The following ALG14 variants were observed in gnomAD, a reference collection of about 807,000 sequenced individuals.
ALG14 encodes the protein ALG14 UDP-N-acetylglucosaminyltransferase subunit, also known as UDP-N-acetylglucosamine transferase subunit ALG14.
Under a neutral mutation model 22.8 loss-of-function variants are expected in ALG14, and 17 were observed. The ratio of observed to expected loss-of-function variants is 0.75; its 90% CI spans 0.51 to 1.12. The LOEUF (loss-of-function observed/expected upper bound fraction) is 1.12, where lower values mean the gene tolerates loss of function less well. Among genes scored for constraint, ALG14 ranks in the 50% most tolerant of loss-of-function variants. The pLI is 0.00. For synonymous variants in ALG14, 89 were observed against 103.7 expected (o/e 0.86, Z 0.86); for missense variants, 288 against 271.8 (o/e 1.06, Z -0.42).
At position 94,981,347 on chromosome 1, in the gene ALG14, C is replaced by G. The variant is rs12131726; in HGVS notation, c.*1729G>C. Reference sequence around the variant, plus strand: ...CAGACAGCAAAGTGTTCTCACCATTCTGAGACACCTTCGGCTACACATTTC... The same window carrying G: ...CAGACAGCAAAGTGTTCTCACCATTGTGAGACACCTTCGGCTACACATTTC... On this transcript the variant is annotated 3_prime_UTR_variant, in exon 4 of 4. Transcript: ENST00000370205. The G allele has an allele frequency of 6.6e-6, 1 of 151,898 alleles. No individual in the cohort carries two copies. Among genetic ancestry groups the G allele is most frequent in the East Asian group, 1.9e-4 (1 of 5,182 alleles). 9.4% of individuals were successfully genotyped at this position (151,898 alleles called of 1,614,324 possible). A position where few individuals can be genotyped will look rare whatever the true frequency, so the allele number is the denominator to read the frequency against.
chr1:95,000,606 T>C (rs546844464), intron 3 of ALG14, among the ~76,000 whole-genome samples: 1 of 148,688 alleles, frequency 6.7e-6, no homozygotes, highest in Non-Finnish European at 1.5e-5. Flanking sequence ...ATCATTTAGG[T>C]ACAACCAGTT....
At chr1:95,029,158 T>C (rs1673917626) in intron 2 of ALG14, among the ~76,000 whole-genome samples, 1 of 152,104 alleles carries the variant, frequency 6.6e-6, no homozygotes, top group South Asian at 2.1e-4. Flanking sequence ...GTTGTAGTCA[T>C]CTGAAGGTTT....
At chr1:95,043,500 G>A (rs565732219) in intron 2 of ALG14, among the ~76,000 whole-genome samples, 1 of 152,286 alleles carries the variant, frequency 6.6e-6, no homozygotes, top group East Asian at 1.9e-4. Context: ...TAAAGAATGA[G>A]GCATTAAAAG....
At chr1:94,998,290 A>G (rs1672959278) in intron 3 of ALG14, among the ~76,000 whole-genome samples, 1 of 151,320 alleles carries the variant, frequency 6.6e-6, no homozygotes, top group Non-Finnish European at 1.5e-5. Flanking sequence ...GTTGTTCCTG[A>G]CTCCCACCTC....
intron 2 of ALG14, among the ~76,000 whole-genome samples, chr1:95,055,936 G>A (rs1163389482): frequency 6.6e-6 from 1 of 150,484 alleles, no homozygotes; most frequent in Non-Finnish European, 1.5e-5. Flanking sequence ...CATGAACCCA[G>A]GAGGCAGAGC....
chr1:95,072,675 G>C, intron 1 of ALG14, 88 bp downstream of exon 1: 2 of 1,541,446 alleles, frequency 1.3e-6, no homozygotes, highest in Non-Finnish European at 1.8e-6. Flanking sequence ...TCCAAGAAGT[G>C]CTAAGGGTAC....
chr1:95,029,624 C>G (rs1448250727), intron 2 of ALG14, among the ~76,000 whole-genome samples: 4 of 152,152 alleles, frequency 2.6e-5, no homozygotes, highest in Admixed American at 1.3e-4. Flanking sequence ...GATAGAGAAG[C>G]CTTTTTCTAA....
chr1:95,029,514 G>A (rs1359210841), intron 2 of ALG14, among the ~76,000 whole-genome samples: 1 of 152,134 alleles, frequency 6.6e-6, no homozygotes, highest in Non-Finnish European at 1.5e-5. Context: ...CTTGGAGCCT[G>A]GCTACCACAC....
At chr1:95,042,904 TC>T (rs781042329) in intron 2 of ALG14, among the ~76,000 whole-genome samples, 6 of 152,228 alleles carry the variant, frequency 3.9e-5, no homozygotes, top group Admixed American at 6.5e-5. Flanking sequence ...ACTTGCAACA[TC>T]CAGTTTGGTT....
chr1:95,023,825 A>C (rs1234912820), intron 3 of ALG14, among the ~76,000 whole-genome samples: 2 of 152,214 alleles, frequency 1.3e-5, no homozygotes, highest in Admixed American at 6.5e-5. Flanking sequence ...ATAAAGCCTG[A>C]GAAGAGCACC....
intron 2 of ALG14, among the ~76,000 whole-genome samples, chr1:95,049,219 AAGAT>A (rs1193376243): frequency 6.6e-6 from 1 of 152,170 alleles, no homozygotes; most frequent in Non-Finnish European, 1.5e-5. Context: ...TAATTACAAA[AAGAT>A]AAATAAATAA....
At chr1:95,070,985 C>T (rs1003386851) in intron 1 of ALG14, among the ~76,000 whole-genome samples, 1 of 152,178 alleles carries the variant, frequency 6.6e-6, no homozygotes, top group African/African-American at 2.4e-5. Context: ...AAGCAATCCG[C>T]CTGTATCGGC....
chr1:94,992,323 G>A (rs142088691), intron 3 of ALG14, among the ~76,000 whole-genome samples: 2 of 151,990 alleles, frequency 1.3e-5, no homozygotes, highest in Non-Finnish European at 2.9e-5. Flanking sequence ...ATAATCTTAC[G>A]GGATCACTAT....
intron 1 of ALG14, among the ~76,000 whole-genome samples, chr1:95,068,011 TC>T (rs1240745230): frequency 1.3e-5 from 2 of 152,154 alleles, no homozygotes; most frequent in Non-Finnish European, 2.9e-5. Flanking sequence ...CAATGCCCCT[TC>T]CCCAAATCGT....
Position 94,983,234 on chromosome 1 carries a change from T to A in ALG14, c.493A>T (p.Lys165Ter). Residue 165 changes from lysine (K) to a stop codon, truncating the protein, a stop_gained, in exon 4 of 4, where the codon AAG becomes TAG. Transcript: ENST00000370205. LOFTEE classifies it high-confidence loss of function. ...TCAACGTAGACAATGATCACTTTCT[T>A]TATTCCTAGTATCCCAAGGAGAAGG... is the stretch of plus-strand genomic sequence containing the variant. Reference protein sequence around the residue: ...SALLLGILGIKKVIIVYVESI... With the variant: ...SALLLGILGI 1 of 1,614,158 alleles carries A rather than the reference T, an allele frequency of 6.2e-7. No homozygotes were observed. The highest frequency in any genetic ancestry group is 8.5e-7 in the Non-Finnish European group (1 of 1,180,018).
intron 3 of ALG14, among the ~76,000 whole-genome samples, chr1:94,993,225 T>C (rs1363834822): frequency 6.7e-6 from 1 of 148,972 alleles, no homozygotes; most frequent in Non-Finnish European, 1.5e-5. Context: ...AAAATAGTGC[T>C]CTTGGTAATC....
intron 2 of ALG14, among the ~76,000 whole-genome samples, chr1:95,057,875 C>A (rs571737182): frequency 6.6e-6 from 1 of 151,918 alleles, no homozygotes; most frequent in Admixed American, 6.6e-5. Context: ...TTTTCTGGAA[C>A]TCTGACTGCT....
intron 3 of ALG14, among the ~76,000 whole-genome samples, chr1:94,985,195 T>A (rs1275312017): frequency 8.8e-6 from 1 of 114,018 alleles, no homozygotes; most frequent in East Asian, 3.2e-4. Context: ...CAGGGTTCTA[T>A]AACTCTACAA....
At chr1:95,028,159 T>G (rs1461433388) in intron 2 of ALG14, among the ~76,000 whole-genome samples, 1 of 152,118 alleles carries the variant, frequency 6.6e-6, no homozygotes, top group Non-Finnish European at 1.5e-5. Flanking sequence ...TTAGTTTGGT[T>G]TTTTTTTGAG....
Sources: allele counts gnomAD v4.1 joint callset (sites outside exome capture counted in the v4.1 genomes callset), GRCh38; gene constraint gnomAD v4.1.1; transcripts MANE v1.5; gene names NCBI Gene and HGNC (gene_info 2026-07-23, HGNC 2026-07-21).